The following WWOX variants were observed in gnomAD, a reference collection of about 807,000 sequenced individuals.
The protein encoded by WWOX is WW domain containing oxidoreductase.
In WWOX, 69 loss-of-function variants were observed where a neutral mutation model predicts 46.2. The observed-to-expected ratio is 1.49, with a 90% CI of 1.23 to 1.82. The LOEUF (loss-of-function observed/expected upper bound fraction) is 1.82, where lower values mean the gene tolerates loss of function less well. Among genes scored for constraint, WWOX ranks in the 40% most tolerant of loss-of-function variants. The pLI is 0.00. For missense variants in WWOX, 919 were observed against 542.6 expected, an observed-to-expected ratio of 1.69 and a Z score of -6.89; for synonymous variants, 359 against 202.6, an observed-to-expected ratio of 1.77 and a Z score of -6.56.
chr16:78,575,066 TA>T (rs2044839033), intron 8 of WWOX, among the ~76,000 whole-genome samples: 1 of 24,178 alleles, frequency 4.1e-5, no homozygotes, highest in Non-Finnish European at 8.0e-5. Flanking sequence ...TATATATATA[TA>T]TATATATATA....
intron 8 of WWOX, among the ~76,000 whole-genome samples, chr16:78,827,118 A>C (rs7184760): frequency 0.85 from 129,282 of 152,018 alleles, 55,461 homozygotes; most frequent in African/African-American, 0.96. Context: ...GAACTCCAGG[A>C]TGCCTTTCTG....
At chr16:78,489,684 G>A (rs74030536) in intron 8 of WWOX, among the ~76,000 whole-genome samples, 6,180 of 152,270 alleles carry the variant, frequency 0.041, 268 homozygotes, top group African/African-American at 0.11. Context: ...GGAAATGGCT[G>A]TGGGGCGCCT....
In WWOX at chr16:78,117,418, AG is replaced by A. The variant is rs143291058; in HGVS notation, c.409+2265del. Among the ~76,000 whole-genome samples, 394 of 152,256 alleles carry A rather than the reference AG, an allele frequency of 2.6e-3. 1 individual carries two copies. Among genetic ancestry groups the A allele is most frequent in the Non-Finnish European group, 4.7e-3 (317 of 68,018 alleles). On this transcript the variant is annotated intron_variant, in intron 4 of 8. Coordinates refer to ENST00000566780, the MANE Select transcript of WWOX (RefSeq NM_016373.4). ...CTCTTGGGAAGCATACGTCTAGGTG[AG>A]TGGTGAAGATTTTTATTCTGAATTT...
Position 78,575,474 on chromosome 16 carries a change from G to A in WWOX, c.1056+142722G>A, listed in dbSNP as rs185775029. On this transcript the variant is annotated intron_variant, in intron 8 of 8. Transcript: ENST00000566780. The stretch of plus-strand genomic sequence containing the variant: ...GAGGGATGCTCAGGAAACCAAAAAG[G>A]ATGTCTGCATGGAGGACAAGAAGGC... Among the ~76,000 whole-genome samples the A allele has an allele frequency of 9.2e-5, 14 of 152,006 alleles. No individual in the cohort carries two copies. The East Asian group carries it at 2.0e-3, about 21-fold the overall frequency.
chr16:78,436,811 G>A (rs1164152397), intron 8 of WWOX, among the ~76,000 whole-genome samples: 1 of 152,292 alleles, frequency 6.6e-6, no homozygotes, highest in Non-Finnish European at 1.5e-5. Context: ...ACCCTCTTGG[G>A]CTATCCTGCG....
chr16:78,154,392 G>A (rs574012556), intron 4 of WWOX, among the ~76,000 whole-genome samples: 5 of 151,716 alleles, frequency 3.3e-5, no homozygotes, highest in African/African-American at 9.7e-5. Flanking sequence ...GCTGCCTACA[G>A]AGGAGTCCCA....
intron 8 of WWOX, among the ~76,000 whole-genome samples, chr16:78,462,444 A>T (rs1305256118): frequency 6.6e-6 from 1 of 152,174 alleles, no homozygotes; most frequent in African/African-American, 2.4e-5. Context: ...TTGCCAGCAT[A>T]AAGGAAACTG....
chr16:78,403,691 C>G (rs1011178680), intron 6 of WWOX, among the ~76,000 whole-genome samples: 2 of 152,210 alleles, frequency 1.3e-5, no homozygotes, highest in African/African-American at 4.8e-5. Context: ...GGCACTGCTT[C>G]GCATGGGGGC....
intron 8 of WWOX, among the ~76,000 whole-genome samples, chr16:78,719,215 G>T (rs1174674144): frequency 1.3e-5 from 2 of 152,314 alleles, no homozygotes; most frequent in East Asian, 1.9e-4. Flanking sequence ...AGTCAGTGCA[G>T]GTAATGTGTT....
chr16:78,525,981 C>T (rs2043455837), intron 8 of WWOX: 1 of 152,152 alleles, frequency 6.6e-6, no homozygotes, highest in South Asian at 2.1e-4. Context: ...TTGCAGAGCA[C>T]ATGTATCATC....
At chr16:78,755,362 C>T (rs1190190746) in intron 8 of WWOX, among the ~76,000 whole-genome samples, 1 of 152,048 alleles carries the variant, frequency 6.6e-6, no homozygotes, top group Admixed American at 6.5e-5. Context: ...GTGGGTAGCC[C>T]AGGACTCCTG....
At chr16:78,109,865 C>A in intron 3 of WWOX, 30 bp downstream of exon 3, 2 of 1,613,502 alleles carry the variant, frequency 1.2e-6, no homozygotes, top group South Asian at 1.1e-5. Flanking sequence ...CCACTCTCAG[C>A]TGTTTTGCTT....
At chr16:78,549,888 G>C (rs1203739126) in intron 8 of WWOX, among the ~76,000 whole-genome samples, 2 of 151,850 alleles carry the variant, frequency 1.3e-5, no homozygotes, top group Non-Finnish European at 2.9e-5. Flanking sequence ...TTTTTATTTA[G>C]CCAGATAAAA....
intron 5 of WWOX, among the ~76,000 whole-genome samples, chr16:78,327,616 G>C (rs62034380): frequency 0.11 from 16,838 of 152,194 alleles, 1,217 homozygotes; most frequent in East Asian, 0.24. Flanking sequence ...TCTTTGCCAT[G>C]ACACAGAGAT....
intron 8 of WWOX, among the ~76,000 whole-genome samples, chr16:78,705,348 A>G (rs2048307811): frequency 6.6e-6 from 1 of 152,222 alleles, no homozygotes; most frequent in Admixed American, 6.5e-5. Context: ...ATGAAAAACA[A>G]CACAAAACAA....
At chr16:78,924,814 A>G (rs928668424) in intron 8 of WWOX, among the ~76,000 whole-genome samples, 2 of 152,180 alleles carry the variant, frequency 1.3e-5, no homozygotes, top group African/African-American at 4.8e-5. Context: ...ACTACTAGTG[A>G]TTGTTGGTGT....
At chr16:78,768,946 G>A (rs923973783) in intron 8 of WWOX, among the ~76,000 whole-genome samples, 3 of 152,092 alleles carry the variant, frequency 2.0e-5, no homozygotes, top group Non-Finnish European at 4.4e-5. Flanking sequence ...TTTCCATTCT[G>A]TTTTGAGCAT....
At chr16:78,849,287 C>T (rs1007504171) in intron 8 of WWOX, among the ~76,000 whole-genome samples, 1 of 152,086 alleles carries the variant, frequency 6.6e-6, no homozygotes, top group African/African-American at 2.4e-5. Flanking sequence ...AACACAACGA[C>T]AGGCCGGGCG....
chr16:78,448,173 A>G (rs756655733), intron 8 of WWOX, among the ~76,000 whole-genome samples: 5 of 152,150 alleles, frequency 3.3e-5, no homozygotes, highest in African/African-American at 4.8e-5. Context: ...AATCCATGCA[A>G]TGAAATACTG....
Sources: allele counts gnomAD v4.1 joint callset (sites outside exome capture counted in the v4.1 genomes callset), GRCh38; gene constraint gnomAD v4.1.1; transcripts MANE v1.5; gene names NCBI Gene and HGNC (gene_info 2026-07-23, HGNC 2026-07-21).